The following TSPAN5 variants were observed in gnomAD, a reference collection of about 807,000 sequenced individuals.
TSPAN5 encodes tetraspanin-5.
In TSPAN5, 10 loss-of-function variants were observed where a neutral mutation model predicts 37.1. The observed-to-expected ratio is 0.27, with a 90% CI of 0.17 to 0.46. TSPAN5 has a LOEUF of 0.46. Among genes scored for constraint, TSPAN5 ranks in the 20% least tolerant of loss-of-function variants. The probability of loss-of-function intolerance (pLI) is 1.00; values close to 1 mark genes in which losing one functional copy is unlikely to be tolerated. For missense variants in TSPAN5, 195 were observed against 326.6 expected (o/e 0.60, Z 3.11); for synonymous variants, 110 against 118.9 (o/e 0.93, Z 0.48).
intron 1 of TSPAN5, among the ~76,000 whole-genome samples, chr4:98,561,148 T>C (rs1754874656): frequency 6.6e-6 from 1 of 152,212 alleles, no homozygotes; most frequent in Non-Finnish European, 1.5e-5. Context: ...GGCAAGGCTT[T>C]AAGAAACAAA....
At chr4:98,476,973 G>T (rs533379075) in intron 5 of TSPAN5, among the ~76,000 whole-genome samples, 2 of 152,220 alleles carry the variant, frequency 1.3e-5, no homozygotes, top group East Asian at 1.9e-4. Context: ...GTCTCACAGG[G>T]TCTGATCAGA....
chr4:98,578,747 C>A (rs555445428), intron 1 of TSPAN5, among the ~76,000 whole-genome samples: 2 of 152,142 alleles, frequency 1.3e-5, no homozygotes, highest in Non-Finnish European at 2.9e-5. Flanking sequence ...ATGCCAAACT[C>A]TGTGCAAATT....
intron 1 of TSPAN5, among the ~76,000 whole-genome samples, chr4:98,530,047 T>A (rs1424009991): frequency 1.3e-5 from 2 of 152,170 alleles, no homozygotes; most frequent in Non-Finnish European, 2.9e-5. Context: ...GATGTAGGTG[T>A]TGTATCTTGG....
rs139872746 is a variant in TSPAN5 at position 98,510,104 on chromosome 4, T to C, written c.82-2376A>G. Among the ~76,000 whole-genome samples, 36 of 152,352 alleles carry C rather than the reference T, an allele frequency of 2.4e-4. 2 individuals are homozygous for C. In the East Asian group the frequency reaches 4.8e-3, roughly 20 times the overall value. ...TCCAGGCATCATGCTTAGTGCTTTG[T>C]GTGCAATGTCTCTTTAAAGCTTCAC... On this transcript the variant is annotated intron_variant, in intron 1 of 7. Transcript: ENST00000305798.
intron 2 of TSPAN5, 111 bp from the exon 3 acceptor site, chr4:98,486,995 G>T (rs1348315282): frequency 9.6e-7 from 1 of 1,042,492 alleles, no homozygotes; most frequent in Non-Finnish European, 1.4e-6. Context: ...CCTTCAGAGG[G>T]CATCTGATTA....
chr4:98,616,516 C>T (rs1756341231), intron 1 of TSPAN5, among the ~76,000 whole-genome samples: 1 of 152,036 alleles, frequency 6.6e-6, no homozygotes, highest in South Asian at 2.1e-4. Flanking sequence ...CAAAATAAAA[C>T]AAAACCAGCC....
At chr4:98,548,886 G>GGGGTGTGTGTGT (rs373285784) in intron 1 of TSPAN5, among the ~76,000 whole-genome samples, 1,997 of 57,422 alleles carry the variant, frequency 0.035, 21 homozygotes, top group South Asian at 0.089. Flanking sequence ...AGTATTCCAA[G>GGGGTGTGTGTGT]GTGTGTGTGT....
Position 98,537,223 on chromosome 4 carries a change from G to A in TSPAN5, c.82-29495C>T, listed in dbSNP as rs116091522. On this transcript the variant is annotated intron_variant, in intron 1 of 7. Coordinates refer to ENST00000305798, the MANE Select transcript of TSPAN5 (RefSeq NM_005723.4). ...GAGTTCCTCAGGCTCAGTCCCTCAC[G>A]GCTTCCTTTGGCTAGAGGACGAAAT... is the stretch of plus-strand genomic sequence containing the variant. Among the ~76,000 whole-genome samples the A allele has an allele frequency of 9.6e-3, 1,468 of 152,228 alleles. 13 individuals are homozygous for A. Among genetic ancestry groups the A allele is most frequent in the Non-Finnish European group, 0.018 (1,198 of 68,026 alleles).
At chr4:98,623,736 C>A (rs985921146) in intron 1 of TSPAN5, among the ~76,000 whole-genome samples, 3 of 152,162 alleles carry the variant, frequency 2.0e-5, no homozygotes, top group African/African-American at 7.2e-5. Flanking sequence ...ATCCCTTACT[C>A]CTTTGGTGGC....
chr4:98,526,702 T>C (rs1753971743), intron 1 of TSPAN5, among the ~76,000 whole-genome samples: 1 of 142,538 alleles, frequency 7.0e-6, no homozygotes, highest in Non-Finnish European at 1.5e-5. Context: ...GGGGTACAGG[T>C]CTCAAGGGGG....
chr4:98,588,779 G>A (rs2110204635), intron 1 of TSPAN5, among the ~76,000 whole-genome samples: 4 of 152,344 alleles, frequency 2.6e-5, no homozygotes, highest in Admixed American at 2.0e-4. Flanking sequence ...GTGTGGCCTA[G>A]AAGACTTCAA....
At chr4:98,522,291 T>A (rs1009063663) in intron 1 of TSPAN5, among the ~76,000 whole-genome samples, 5 of 152,188 alleles carry the variant, frequency 3.3e-5, no homozygotes, top group Admixed American at 2.6e-4. Context: ...AGCAACAAAG[T>A]CATCCAAGAA....
intron 1 of TSPAN5, among the ~76,000 whole-genome samples, chr4:98,523,332 C>T (rs977911654): frequency 2.0e-5 from 3 of 152,128 alleles, no homozygotes; most frequent in African/African-American, 7.2e-5. Flanking sequence ...AGTGGCATGA[C>T]ATTAAAGTGA....
intron 1 of TSPAN5, among the ~76,000 whole-genome samples, chr4:98,543,241 C>A (rs187530448): frequency 6.6e-6 from 1 of 152,132 alleles, no homozygotes; most frequent in African/African-American, 2.4e-5. Flanking sequence ...TTGGCAACAG[C>A]GTTTCAACTC....
At chr4:98,606,149 A>G (rs913475951) in intron 1 of TSPAN5, among the ~76,000 whole-genome samples, 7 of 152,218 alleles carry the variant, frequency 4.6e-5, no homozygotes, top group East Asian at 3.9e-4. Flanking sequence ...ACAAACTCCA[A>G]TCGAGTGAAA....
At chr4:98,487,685 C>G (rs1753002809) in intron 2 of TSPAN5, among the ~76,000 whole-genome samples, 1 of 152,102 alleles carries the variant, frequency 6.6e-6, no homozygotes, top group Non-Finnish European at 1.5e-5. Flanking sequence ...CTGTGGCTTG[C>G]TGTTGGGGTA....
chr4:98,531,263 C>G (rs1201674646), intron 1 of TSPAN5, among the ~76,000 whole-genome samples: 1 of 152,094 alleles, frequency 6.6e-6, no homozygotes, highest in Admixed American at 6.6e-5. Context: ...TGTTCCCTTC[C>G]CTGTGTCCGT....
chr4:98,643,045 G>GGCCTT (rs1398627222), intron 1 of TSPAN5, among the ~76,000 whole-genome samples: 1 of 152,096 alleles, frequency 6.6e-6, no homozygotes, highest in Non-Finnish European at 1.5e-5. Context: ...TAATGTCCTA[G>GGCCTT]GCCTTCCCTT....
At chr4:98,478,882 AACG>A in intron 4 of TSPAN5, 72 bp from the exon 5 acceptor site, 3 of 1,571,506 alleles carry the variant, frequency 1.9e-6, no homozygotes, top group Middle Eastern at 1.7e-4. Flanking sequence ...ACACCCGCCG[AACG>A]ACACCAGCTT....
Sources: allele counts gnomAD v4.1 joint callset (sites outside exome capture counted in the v4.1 genomes callset), GRCh38; gene constraint gnomAD v4.1.1; transcripts MANE v1.5; gene names NCBI Gene and HGNC (gene_info 2026-07-23, HGNC 2026-07-21).